The following PRMT3 variants were observed in gnomAD, a reference collection of about 807,000 sequenced individuals.
PRMT3 encodes the protein protein arginine methyltransferase 3.
In PRMT3, 62 loss-of-function variants were observed where a neutral mutation model predicts 71.9. The ratio of observed to expected loss-of-function variants is 0.86; its 90% CI spans 0.70 to 1.07. PRMT3 has a LOEUF of 1.07. Among genes scored for constraint, PRMT3 ranks in the 50% least tolerant of loss-of-function variants. The pLI is 0.00. For missense variants in PRMT3, 663 were observed against 643.0 expected, an observed-to-expected ratio of 1.03 and a Z score of -0.34; for synonymous variants, 213 against 220.4, an observed-to-expected ratio of 0.97 and a Z score of 0.30.
At chr11:20,422,433 A>G (rs1849447819) in intron 9 of PRMT3, among the ~76,000 whole-genome samples, 1 of 152,212 alleles carries the variant, frequency 6.6e-6, no homozygotes, top group African/African-American at 2.4e-5. Flanking sequence ...ACGTAAAAGC[A>G]TAAGAAGTCT....
chr11:20,485,420 T>C (rs1034166987), intron 13 of PRMT3, among the ~76,000 whole-genome samples: 13 of 152,138 alleles, frequency 8.5e-5, no homozygotes, highest in African/African-American at 3.1e-4. Flanking sequence ...GAATTAGTTA[T>C]AGCAGACATA....
At chr11:20,458,816 A>G (rs1330950268) in intron 11 of PRMT3, among the ~76,000 whole-genome samples, 1 of 152,224 alleles carries the variant, frequency 6.6e-6, no homozygotes, top group Non-Finnish European at 1.5e-5. Context: ...AAAAATACAC[A>G]ACACCCAAAA....
Position 20,494,275 on chromosome 11 carries a change from G to A in PRMT3, c.1486+21G>A, listed in dbSNP as rs753915001. ...AGCAGGTGAGAAAGAATAGTAGGGG[G>A]GAAGTATCTTATTCATTCTGAAGTA... is the stretch of plus-strand genomic sequence containing the variant. On this transcript the variant is annotated intron_variant, in intron 15 of 15. Coordinates refer to ENST00000331079, the MANE Select transcript of PRMT3 (RefSeq NM_005788.4). 3.3e-6 allele frequency: 5 copies of A among 1,501,096 alleles called. No homozygotes were observed. The South Asian group carries it at 4.6e-5, about 14-fold the overall frequency. The allele number at this position is 1,501,096 out of a possible 1,614,324, so 93.0% of individuals were successfully genotyped here.
chr11:20,415,214 A>AG (rs747101837), intron 9 of PRMT3, among the ~76,000 whole-genome samples: 16 of 152,068 alleles, frequency 1.1e-4, no homozygotes, highest in Non-Finnish European at 1.9e-4. Context: ...TTTAAAAAAA[A>AG]TTTGTTCTTC....
intron 13 of PRMT3, among the ~76,000 whole-genome samples, chr11:20,467,627 TA>T (rs11318018): frequency 0.97 from 148,107 of 152,278 alleles, 72,354 homozygotes; most frequent in Middle Eastern, 1. Context: ...TCACTCTTCT[TA>T]AGAGACAGGC....
chr11:20,466,825 C>CTTTTAA (rs1227890459), intron 13 of PRMT3, among the ~76,000 whole-genome samples: 1 of 152,080 alleles, frequency 6.6e-6, no homozygotes, highest in Non-Finnish European at 1.5e-5. Flanking sequence ...TGTAATTGAA[C>CTTTTAA]TTTTAATATT....
chr11:20,476,549 G>GA (rs1850790773), intron 13 of PRMT3, among the ~76,000 whole-genome samples: 1 of 152,148 alleles, frequency 6.6e-6, no homozygotes, highest in African/African-American at 2.4e-5. Context: ...ATGAGGAAGT[G>GA]AAAAACTTTG....
At chr11:20,419,473 A>G (rs1319196297) in intron 9 of PRMT3, among the ~76,000 whole-genome samples, 1 of 152,146 alleles carries the variant, frequency 6.6e-6, no homozygotes, top group African/African-American at 2.4e-5. Flanking sequence ...TCTTTGTCAT[A>G]TCTTGATGAT....
chr11:20,495,805 TG>T (rs1851319186), intron 15 of PRMT3, among the ~76,000 whole-genome samples: 1 of 152,178 alleles, frequency 6.6e-6, no homozygotes, highest in Non-Finnish European at 1.5e-5. Context: ...GTACAAAAGC[TG>T]AATGTATAAC....
intron 15 of PRMT3, among the ~76,000 whole-genome samples, chr11:20,501,527 A>G (rs1851458006): frequency 1.3e-5 from 2 of 152,172 alleles, no homozygotes; most frequent in South Asian, 2.1e-4. Flanking sequence ...AGAGTTCTCT[A>G]TAGTTATATT....
At chr11:20,449,841 G>A (rs1216076090) in intron 10 of PRMT3, among the ~76,000 whole-genome samples, 2 of 151,974 alleles carry the variant, frequency 1.3e-5, no homozygotes, top group Admixed American at 6.6e-5. Flanking sequence ...TTCCTACTAT[G>A]TACCAGACAC....
intron 13 of PRMT3, among the ~76,000 whole-genome samples, chr11:20,478,469 T>G (rs1850849886): frequency 6.6e-6 from 1 of 151,644 alleles, no homozygotes; most frequent in African/African-American, 2.4e-5. Flanking sequence ...AGTTGAAGGC[T>G]GCAGCAAGCA....
intron 15 of PRMT3, among the ~76,000 whole-genome samples, chr11:20,496,377 T>C (rs529672444): frequency 4.4e-4 from 67 of 152,238 alleles, no homozygotes; most frequent in African/African-American, 1.6e-3. Context: ...GTGATTGAGC[T>C]GCTTTACTCC....
At chr11:20,445,479 C>T (rs1850005119) in intron 10 of PRMT3, among the ~76,000 whole-genome samples, 1 of 152,032 alleles carries the variant, frequency 6.6e-6, no homozygotes, top group African/African-American at 2.4e-5. Flanking sequence ...TTTGCTTTCA[C>T]CCACGTTATT....
chr11:20,389,877 C>T (rs563183974), intron 3 of PRMT3, 51 bp downstream of exon 3: 35 of 1,361,864 alleles, frequency 2.6e-5, no homozygotes, highest in Middle Eastern at 1.9e-4. Flanking sequence ...TTTGGGCAGG[C>T]ATGGCAGCTC....
chr11:20,420,974 C>T (rs1179919816), intron 9 of PRMT3, among the ~76,000 whole-genome samples: 1 of 152,148 alleles, frequency 6.6e-6, no homozygotes, highest in Admixed American at 6.5e-5. Context: ...AAGCTATAAA[C>T]AAATTACAGT....
chr11:20,494,125 A>C (rs1230582452), intron 14 of PRMT3, 42 bp from the exon 15 acceptor site: 1 of 1,535,382 alleles, frequency 6.5e-7, no homozygotes, highest in South Asian at 1.1e-5. Context: ...GATATTAAAA[A>C]TCTTGTACTT....
intron 13 of PRMT3, among the ~76,000 whole-genome samples, chr11:20,477,289 G>A (rs1850814039): frequency 6.6e-6 from 1 of 152,102 alleles, no homozygotes; most frequent in Non-Finnish European, 1.5e-5. Context: ...TTTAAAGTGA[G>A]TCTTGGCCGG....
chr11:20,437,150 T>C (rs932700831), intron 10 of PRMT3, among the ~76,000 whole-genome samples: 26 of 152,154 alleles, frequency 1.7e-4, no homozygotes, highest in African/African-American at 5.8e-4. Flanking sequence ...TTTTGGTGTT[T>C]TCTCTTTTTT....
Sources: gnomAD v4.1 joint callset for allele counts (sites outside exome capture counted in the v4.1 genomes callset) on GRCh38, gnomAD v4.1.1 for gene constraint, MANE v1.5 for transcripts, NCBI Gene and HGNC (gene_info 2026-07-23, HGNC 2026-07-21) for gene names.